The following SHANK2 variants were observed in gnomAD, a reference collection of about 807,000 sequenced individuals.
SHANK2 encodes the protein SH3 and multiple ankyrin repeat domains protein 2.
SHANK2 carries 43 observed loss-of-function variants against 133.7 expected under a neutral mutation model. That is an observed-to-expected ratio of 0.32 (90% CI 0.25 to 0.41). SHANK2 has a LOEUF of 0.41. SHANK2 is among the 10% of genes least tolerant of loss of function. The pLI, the probability that SHANK2 is intolerant of heterozygous loss-of-function variation, is 1.00. For synonymous variants in SHANK2, 1,017 were observed against 952.8 expected, an observed-to-expected ratio of 1.07 and a Z score of -1.24; for missense variants, 1,994 against 2,235.8, an observed-to-expected ratio of 0.89 and a Z score of 2.18.
At chr11:70,689,739 A>C (rs1945235970) in intron 15 of SHANK2, among the ~76,000 whole-genome samples, 1 of 152,252 alleles carries the variant, frequency 6.6e-6, no homozygotes, top group Non-Finnish European at 1.5e-5. Flanking sequence ...AAGACAAAAC[A>C]GTCCTGAATG....
rs1395732685 is a variant in SHANK2, at chr11:70,820,443, GGGGCCC to G, written c.1408_1413del (p.Gly470_Pro471del). ...CTGTTGAGCGATGGGGACCGGCTGCGGGGCCCGGGCACGTAGCTCCCAATGGTCTTC... is the reference window on the plus strand; with the variant it reads ...CTGTTGAGCGATGGGGACCGGCTGCGGGGCACGTAGCTCCCAATGGTCTTC... On this transcript the variant is annotated inframe_deletion, in exon 12 of 26. Coordinates refer to ENST00000601538, the MANE Select transcript of SHANK2 (RefSeq NM_012309.5). 2 of 711,768 alleles carry G rather than the reference GGGGCCC, an allele frequency of 2.8e-6. No individual in the cohort carries two copies. Among genetic ancestry groups the G allele is most frequent in the Non-Finnish European group, 5.2e-6 (2 of 380,980 alleles). 44.1% of individuals were successfully genotyped at this position (711,768 alleles called of 1,614,324 possible).
chr11:70,675,611 G>A (rs555997844), intron 15 of SHANK2, among the ~76,000 whole-genome samples: 5 of 152,192 alleles, frequency 3.3e-5, no homozygotes, highest in Non-Finnish European at 7.3e-5. Context: ...GGGAGGCGTT[G>A]GTCCTAGCAG....
At chr11:71,133,926 A>AT (rs782273886) in intron 3 of SHANK2, among the ~76,000 whole-genome samples, 102,491 of 144,116 alleles carry the variant, frequency 0.71, 36,069 homozygotes, top group South Asian at 0.78. Flanking sequence ...AAAACTATGT[A>AT]TTTTTTTTTT....
chr11:71,085,652 ATATAT>A (rs1305815538), intron 8 of SHANK2, among the ~76,000 whole-genome samples: 9,837 of 37,758 alleles, frequency 0.26, 757 homozygotes, highest in Non-Finnish European at 0.35. Context: ...ATATTATGTT[ATATAT>A]TATATTATAT....
At position 71,188,821 on chromosome 11, in the gene SHANK2, T is replaced by C. The variant is rs782446486; in HGVS notation, c.-13+35876A>G. ...CCAAATGGAGCTAAGGCCTACGTGG[T>C]TTCTCAGGGACCCTGACCTTCTCTC... On this transcript the variant is annotated intron_variant, in intron 2 of 25. Coordinates refer to ENST00000601538, the MANE Select transcript of SHANK2 (RefSeq NM_012309.5). The surrounding 1 kb of genome is among the most constrained non-coding windows in gnomAD (Gnocchi z 4.6). Among the ~76,000 whole-genome samples, 1 of 152,068 alleles carries C rather than the reference T, an allele frequency of 6.6e-6. No individual in the cohort carries two copies. Among genetic ancestry groups the C allele is most frequent in the African/African-American group, 2.4e-5 (1 of 41,402 alleles).
intron 14 of SHANK2, among the ~76,000 whole-genome samples, chr11:70,795,473 T>G (rs892309341): frequency 4.0e-5 from 6 of 148,510 alleles, no homozygotes; most frequent in Admixed American, 6.9e-5. Flanking sequence ...TGGTGCAATC[T>G]CAGCTCACTG....
chr11:70,492,263 A>C, intron 22 of SHANK2, 72 bp downstream of exon 22: 1 of 1,593,934 alleles, frequency 6.3e-7, no homozygotes, highest in Non-Finnish European at 8.5e-7. Flanking sequence ...CACCTCAGCT[A>C]CTGAGACAGC....
At chr11:70,745,387 C>T (rs1264730247) in intron 14 of SHANK2, among the ~76,000 whole-genome samples, 4 of 152,224 alleles carry the variant, frequency 2.6e-5, no homozygotes, top group African/African-American at 9.6e-5. Flanking sequence ...TCATCTATCA[C>T]CCTCCTTGGG....
chr11:70,765,550 G>C (rs1288269736), intron 14 of SHANK2, among the ~76,000 whole-genome samples: 1 of 152,134 alleles, frequency 6.6e-6, no homozygotes, highest in African/African-American at 2.4e-5. Context: ...AAACTTAAAA[G>C]CCGTTAAATT....
intron 17 of SHANK2, among the ~76,000 whole-genome samples, chr11:70,642,334 C>T (rs149941818): frequency 4.2e-4 from 47 of 111,144 alleles, no homozygotes; most frequent in African/African-American, 1.6e-3. Flanking sequence ...AATCCAGAAT[C>T]GCAGTGCTGT....
chr11:70,892,912 T>G (rs1288264237), intron 11 of SHANK2, among the ~76,000 whole-genome samples: 2 of 152,128 alleles, frequency 1.3e-5, no homozygotes, highest in African/African-American at 4.8e-5. Flanking sequence ...CAGAGTCAAC[T>G]GCTCATGAAC....
intron 15 of SHANK2, among the ~76,000 whole-genome samples, chr11:70,697,824 G>A (rs559774391): frequency 6.1e-4 from 93 of 152,242 alleles, no homozygotes; most frequent in Non-Finnish European, 6.6e-4. Flanking sequence ...TTCTGAGAAG[G>A]GGCTCCTCAG....
chr11:70,826,705 G>C (rs1948645683), intron 11 of SHANK2: 1 of 340,448 alleles, frequency 2.9e-6, no homozygotes, highest in Admixed American at 3.7e-5. Context: ...CCCATATTCT[G>C]TCTGTCAGCT....
intron 12 of SHANK2, among the ~76,000 whole-genome samples, chr11:70,809,688 CTCAG>C (rs1948238482): frequency 6.6e-6 from 1 of 152,208 alleles, no homozygotes; most frequent in Non-Finnish European, 1.5e-5. Flanking sequence ...GGCCTGAATA[CTCAG>C]TCTGTCTGCC....
chr11:71,099,798 A>G (rs1283919832), intron 6 of SHANK2, among the ~76,000 whole-genome samples: 4 of 152,200 alleles, frequency 2.6e-5, no homozygotes, highest in African/African-American at 9.7e-5. Context: ...CATGTCTGCA[A>G]TTGCAGCACT....
chr11:70,610,392 G>T lies in SHANK2; in HGVS notation c.2061+49436C>A, dbSNP rs542587618. ...TATTGCCTGGTTTTATGAGTCTAATGTTGTGACCTGCTCCTGCCACTGATG... is the reference window on the plus strand; with the variant it reads ...TATTGCCTGGTTTTATGAGTCTAATTTTGTGACCTGCTCCTGCCACTGATG... On this transcript the variant is annotated intron_variant, in intron 17 of 25. Transcript: ENST00000601538. 5.3e-5 allele frequency among the ~76,000 whole-genome samples: 8 copies of T among 152,208 alleles called. No homozygotes were observed. In the East Asian group the frequency reaches 1.5e-3, roughly 29 times the overall value.
intron 10 of SHANK2, among the ~76,000 whole-genome samples, chr11:70,925,018 G>A (rs557861141): frequency 4.3e-4 from 65 of 152,162 alleles, no homozygotes; most frequent in African/African-American, 1.4e-3. Context: ...GCAGAGATGC[G>A]CACTCTAAGC....
At chr11:70,898,552 C>A (rs1233654507) in intron 10 of SHANK2, among the ~76,000 whole-genome samples, 2 of 152,050 alleles carry the variant, frequency 1.3e-5, no homozygotes, top group Non-Finnish European at 2.9e-5. Context: ...TCTAAAGTGG[C>A]AAAGAACTTG....
At chr11:71,131,413 T>G (rs549064561) in intron 3 of SHANK2, among the ~76,000 whole-genome samples, 2 of 152,218 alleles carry the variant, frequency 1.3e-5, no homozygotes, top group East Asian at 3.9e-4. Flanking sequence ...TAAACGCCAA[T>G]AAAGGGTAAC....
Sources: gnomAD v4.1 joint callset for allele counts (sites outside exome capture counted in the v4.1 genomes callset) on GRCh38, gnomAD v4.1.1 for gene constraint, Gnocchi (gnomAD v3.1) non-coding constraint, MANE v1.5 for transcripts, NCBI Gene and HGNC (gene_info 2026-07-23, HGNC 2026-07-21) for gene names.